SNX11: variants seen among roughly 807,000 people sequenced by gnomAD.
SNX11 encodes sorting nexin-11.
In SNX11, 19 loss-of-function variants were observed where a neutral mutation model predicts 30.7. The ratio of observed to expected loss-of-function variants is 0.62; its 90% CI spans 0.43 to 0.91. The LOEUF is 0.91. Ranked by LOEUF, SNX11 falls within the 40% of genes least tolerant of loss-of-function variation. The pLI is 0.00. For missense variants in SNX11, 302 were observed against 326.7 expected (o/e 0.92, Z 0.58); for synonymous variants, 112 against 119.0 (o/e 0.94, Z 0.38).
rs749243503 is a variant in SNX11 at position 48,119,052 on chromosome 17, A to G, written c.405A>G (p.Ile135Met). 1.2e-6 allele frequency: 2 copies of G among 1,614,170 alleles called. No homozygotes were observed. The highest frequency in any genetic ancestry group is 1.3e-5 in the African/African-American group (1 of 75,062). Residue 135 changes from isoleucine (I) to methionine (M), a missense_variant, in exon 6 of 7, where the codon ATA (isoleucine) becomes ATG (methionine). Coordinates refer to ENST00000359238, the MANE Select transcript of SNX11 (RefSeq NM_013323.3). ...AAAGCCAGCTCTCGGTGCCTGAGAT[A>G]GAAGCCTGTGTCCAGGGCCGAAGTA... ...FLQSQLSVPE[I>M]EACVQGRSTM...
At chr17:48,118,316 C>T (rs910702462) in intron 4 of SNX11, among the ~76,000 whole-genome samples, 3 of 152,288 alleles carry the variant, frequency 2.0e-5, no homozygotes, top group Admixed American at 6.5e-5. Flanking sequence ...CACGGTGGCT[C>T]ATGCCTGTAA....
intron 6 of SNX11, among the ~76,000 whole-genome samples, chr17:48,119,931 C>A (rs1351795261): frequency 1.3e-5 from 2 of 152,132 alleles, no homozygotes; most frequent in African/African-American, 2.4e-5. Context: ...TCCCTCCCCC[C>A]CAGCTCCTGG....
chr17:48,121,600 T>C lies in SNX11; in HGVS notation c.*92T>C. 7.1e-7 allele frequency: 1 copy of C among 1,413,516 alleles called. No homozygotes were observed. The highest frequency in any genetic ancestry group is 2.3e-5 in the East Asian group (1 of 43,794). 87.6% of individuals were successfully genotyped at this position (1,413,516 alleles called of 1,614,324 possible). On this transcript the variant is annotated 3_prime_UTR_variant, in exon 7 of 7. Coordinates refer to ENST00000359238, the MANE Select transcript of SNX11 (RefSeq NM_013323.3). Reference sequence around the variant, plus strand: ...GGCACAGGGCAGGTATGTGGGAGGCTGGGCTGCTTAGTGTCTTCTAGTCAC... The same window carrying C: ...GGCACAGGGCAGGTATGTGGGAGGCCGGGCTGCTTAGTGTCTTCTAGTCAC...
At chr17:48,109,387 G>C (rs1051129130) in intron 1 of SNX11, among the ~76,000 whole-genome samples, 1 of 150,774 alleles carries the variant, frequency 6.6e-6, no homozygotes, top group African/African-American at 2.4e-5. Context: ...AGTCTCCCGA[G>C]TAGCTGGGAC....
chr17:48,112,646 A>G lies in SNX11; in HGVS notation c.115A>G (p.Lys39Glu), dbSNP rs2063502850. Residue 39 changes from lysine (K) to glutamate (E), a missense_variant, in exon 3 of 7, where the codon AAG becomes GAG. By Grantham distance (56) the Lys-to-Glu change is moderately conservative (BLOSUM62 1). Coordinates refer to ENST00000359238, the MANE Select transcript of SNX11 (RefSeq NM_013323.3). Reference sequence around the variant, plus strand: ...CTCCTGGAACTCTTATGTGGATTATAAGATATTCCTCCATGTGAGTACATC... The same window carrying G: ...CTCCTGGAACTCTTATGTGGATTATGAGATATTCCTCCATGTGAGTACATC... ...EGSWNSYVDY[K>E]IFLHTNSKAF... The G allele has an allele frequency of 6.2e-7, 1 of 1,611,330 alleles. No homozygotes were observed. The highest frequency in any genetic ancestry group is 1.1e-5 in the South Asian group (1 of 91,038).
At position 48,112,021 on chromosome 17, in the gene SNX11, C is replaced by T. The variant is rs769928143; in HGVS notation, c.-13-10C>T. ...CTAACCTTGATCCTGTATCCTCTGT[C>T]CCTCATCAGATGTTTCCTTCCAATG... On this transcript the variant is annotated splice_polypyrimidine_tract_variant and intron_variant, in intron 1 of 6. Coordinates refer to ENST00000359238, the MANE Select transcript of SNX11 (RefSeq NM_013323.3). 1.2e-5 allele frequency: 20 copies of T among 1,605,910 alleles called. No homozygotes were observed. The highest frequency in any genetic ancestry group is 2.2e-5 in the South Asian group (2 of 90,900).
Position 48,121,281 on chromosome 17 carries a change from C to A in SNX11, c.586C>A (p.Pro196Thr). ...GGGTAGGAGGAGCTCTCCCTCACCG[C>A]CTCCCAGTGAAGAAAAGGACCATTT... is the stretch of plus-strand genomic sequence containing the variant. ...RSGRRSSPSP[P>T]PSEEKDHLEV... Residue 196 changes from proline to threonine, a missense_variant, in exon 7 of 7, where the codon CCT (proline) becomes ACT (threonine). Physicochemically the swap from Pro to Thr is conservative, Grantham distance 38. Coordinates refer to ENST00000359238, the MANE Select transcript of SNX11 (RefSeq NM_013323.3). The A allele has an allele frequency of 6.2e-7, 1 of 1,614,132 alleles. No homozygotes were observed. Among genetic ancestry groups the A allele is most frequent in the Non-Finnish European group, 8.5e-7 (1 of 1,179,966 alleles).
chr17:48,115,377 A>T (rs2063535675), intron 4 of SNX11, among the ~76,000 whole-genome samples: 1 of 152,174 alleles, frequency 6.6e-6, no homozygotes, highest in South Asian at 2.1e-4. Context: ...TATGTTCTTA[A>T]ATCATATTTT....
chr17:48,108,789 AG>A (rs1182662584), intron 1 of SNX11, among the ~76,000 whole-genome samples: 1 of 152,244 alleles, frequency 6.6e-6, no homozygotes, highest in Non-Finnish European at 1.5e-5. Context: ...AGAGAACTAA[AG>A]TTAGGAACTT....
chr17:48,116,575 CTTTT>C (rs77655481), intron 4 of SNX11, among the ~76,000 whole-genome samples: 2 of 140,278 alleles, frequency 1.4e-5, no homozygotes, highest in Admixed American at 7.3e-5. Flanking sequence ...TTCTTTTTTC[CTTTT>C]TTTTTTTTTT....
chr17:48,109,861 A>G (rs1229410199), intron 1 of SNX11, among the ~76,000 whole-genome samples: 1 of 152,170 alleles, frequency 6.6e-6, no homozygotes, highest in African/African-American at 2.4e-5. Flanking sequence ...CCCAAAGGAA[A>G]GAAGAATTTC....
At chr17:48,111,958 G>A in intron 1 of SNX11, 73 bp from the exon 2 acceptor site, 1 of 1,283,214 alleles carries the variant, frequency 7.8e-7, no homozygotes, top group Non-Finnish European at 1.1e-6. Flanking sequence ...AAACTTTCGG[G>A]GTTTTCCCTG....
intron 4 of SNX11, 146 bp downstream of exon 4, chr17:48,113,547 G>GT: frequency 1.7e-6 from 1 of 580,696 alleles, no homozygotes; most frequent in East Asian, 3.0e-5. Context: ...TTGTTTTTTG[G>GT]GTTTTTTTTT....
At position 48,111,148 on chromosome 17, in the gene SNX11, G is replaced by A. The variant is rs919278154; in HGVS notation, c.-13-883G>A. On this transcript the variant is annotated intron_variant, in intron 1 of 6. Transcript: ENST00000359238. ...AGGAAGTAATTAGAACAATTGGCTC[G>A]GGTTCCAGAGTATGGATTGGATAAG... The A allele has an allele frequency of 2.1e-5, 21 of 985,254 alleles. No individual in the cohort carries two copies. In the African/African-American group the frequency reaches 3.0e-4, roughly 14 times the overall value. 61.0% of individuals were successfully genotyped at this position (985,254 alleles called of 1,614,324 possible).
At chr17:48,114,455 T>G (rs1459957138) in intron 4 of SNX11, among the ~76,000 whole-genome samples, 3 of 140,142 alleles carry the variant, frequency 2.1e-5, no homozygotes, top group African/African-American at 8.3e-5. Flanking sequence ...TGCCCAGGCC[T>G]TCTTTTTTTT....
At chr17:48,114,743 A>G (rs980214304) in intron 4 of SNX11, among the ~76,000 whole-genome samples, 1 of 124,788 alleles carries the variant, frequency 8.0e-6, no homozygotes, top group African/African-American at 3.1e-5. Context: ...GAGTGCAGTG[A>G]CACCCTCCAC....
At chr17:48,113,548 GT>G (rs377736294) in intron 4 of SNX11, 147 bp downstream of exon 4, 76,484 of 389,066 alleles carry the variant, frequency 0.2, 12 homozygotes, top group South Asian at 0.31. Context: ...TGTTTTTTGG[GT>G]TTTTTTTTTT....
Position 48,112,401 on chromosome 17 carries a change from TA to T in SNX11, c.43-168del, listed in dbSNP as rs969114120. 6.0e-6 allele frequency: 4 copies of T among 669,746 alleles called. No individual in the cohort carries two copies. The African/African-American group carries it at 7.2e-5, about 12-fold the overall frequency. 41.5% of individuals were successfully genotyped at this position (669,746 alleles called of 1,614,324 possible). On this transcript the variant is annotated intron_variant, in intron 2 of 6. Transcript: ENST00000359238. ...GTGTCTGACACGTAGTGGGGCTCAG[TA>T]AAAATTTGTTGAATTGAGTGACTGA...
At chr17:48,114,404 T>G (rs1229804456) in intron 4 of SNX11, among the ~76,000 whole-genome samples, 1 of 151,864 alleles carries the variant, frequency 6.6e-6, no homozygotes, top group East Asian at 1.9e-4. Flanking sequence ...CTGCCTGCCT[T>G]AGCCTCCCAA....
Sources: gnomAD v4.1 joint callset for allele counts (sites outside exome capture counted in the v4.1 genomes callset) on GRCh38, gnomAD v4.1.1 for gene constraint, MANE v1.5 for transcripts, NCBI Gene and HGNC (gene_info 2026-07-23, HGNC 2026-07-21) for gene names.